SIRT1: variants seen among roughly 807,000 people sequenced by gnomAD.
SIRT1 encodes the protein NAD-dependent protein deacetylase sirtuin-1.
A neutral mutation model predicts 67.9 loss-of-function variants in SIRT1; 24 were observed. The ratio of observed to expected loss-of-function variants is 0.35; its 90% CI spans 0.26 to 0.50. SIRT1 has a LOEUF of 0.50. SIRT1 is among the 20% of genes least tolerant of loss of function. The pLI, the probability that SIRT1 is intolerant of heterozygous loss-of-function variation, is 0.98. For missense variants in SIRT1, 873 were observed against 937.2 expected (o/e 0.93, Z 0.89); for synonymous variants, 378 against 350.7 (o/e 1.08, Z -0.87).
At position 67,887,462 on chromosome 10, in the gene SIRT1, C is replaced by T. The variant is rs760482544; in HGVS notation, c.476C>T (p.Ser159Phe). The stretch of plus-strand genomic sequence containing the variant: ...GAAATTATCACTAATGGTTTTCATT[C>T]CTGTGAAAGTGATGAGGAGGATAGA... Reference protein sequence around the residue: ...GDEIITNGFHSCESDEEDRAS... With the variant: ...GDEIITNGFHFCESDEEDRAS... Residue 159 changes from serine (S) to phenylalanine (F), a missense_variant, in exon 2 of 9, where the codon TCC becomes TTC. By Grantham distance (155) the Ser-to-Phe change is radical. Around this residue, in one of 3 missense-constraint regions of SIRT1, gnomAD observed 327 missense variants for 283.9 expected, o/e 1.15. Coordinates refer to ENST00000212015, the MANE Select transcript of SIRT1 (RefSeq NM_012238.5). 4 of 1,613,772 alleles carry T rather than the reference C, an allele frequency of 2.5e-6. No homozygotes were observed. Among genetic ancestry groups the T allele is most frequent in the African/African-American group, 2.7e-5 (2 of 75,022 alleles).
chr10:67,900,008 C>A (rs1442913720), intron 4 of SIRT1, among the ~76,000 whole-genome samples: 1 of 151,982 alleles, frequency 6.6e-6, no homozygotes, highest in African/African-American at 2.4e-5. Context: ...CGCTTGAACT[C>A]GGGAGGCGGA....
intron 4 of SIRT1, among the ~76,000 whole-genome samples, chr10:67,894,343 A>G (rs959346479): frequency 6.6e-6 from 1 of 152,240 alleles, no homozygotes; most frequent in Admixed American, 6.5e-5. Context: ...AGAGCAGACA[A>G]CTGGTTCATA....
rs200960441 is a variant in SIRT1 at position 67,917,865 on chromosome 10, A to G, written c.*1272A>G. The G allele has an allele frequency of 3.7e-4, 56 of 152,606 alleles. 1 individual carries two copies. Among genetic ancestry groups the G allele is most frequent in the Non-Finnish European group, 6.6e-4 (45 of 68,038 alleles). The allele number at this position is 152,606 out of a possible 1,614,324, so 9.5% of individuals were successfully genotyped here. Reference sequence around the variant, plus strand: ...AAGCTTCTAGTCTTTCAAGAAGTTCATACTTTATGAAATTGCACAGTAAGC... The same window carrying G: ...AAGCTTCTAGTCTTTCAAGAAGTTCGTACTTTATGAAATTGCACAGTAAGC... On this transcript the variant is annotated 3_prime_UTR_variant, in exon 9 of 9. Coordinates refer to ENST00000212015, the MANE Select transcript of SIRT1 (RefSeq NM_012238.5).
intron 5 of SIRT1, among the ~76,000 whole-genome samples, chr10:67,907,230 C>G (rs997168031): frequency 1.4e-4 from 22 of 152,142 alleles, no homozygotes; most frequent in Admixed American, 1.3e-4. Context: ...TGCAGTGGCT[C>G]ACGCCTGTAA....
intron 3 of SIRT1, among the ~76,000 whole-genome samples, chr10:67,890,186 G>C (rs1220558896): frequency 6.6e-6 from 1 of 151,930 alleles, no homozygotes; most frequent in African/African-American, 2.4e-5. Flanking sequence ...CTCCTGAGTA[G>C]CTGGGATTAC....
chr10:67,897,087 C>CGGAG (rs911135827), intron 4 of SIRT1, among the ~76,000 whole-genome samples: 2 of 151,044 alleles, frequency 1.3e-5, no homozygotes, highest in African/African-American at 4.9e-5. Context: ...ACCTGGGAGG[C>CGGAG]GGAGGTTGCA....
At chr10:67,900,823 G>A (rs1165559630) in intron 4 of SIRT1, among the ~76,000 whole-genome samples, 2 of 152,022 alleles carry the variant, frequency 1.3e-5, no homozygotes, top group Non-Finnish European at 2.9e-5. Flanking sequence ...TTTGTTTTTA[G>A]CCATTTTTCT....
rs1019771749 is a variant in SIRT1, at chr10:67,888,789, C to T, written c.548-93C>T. 8 of 1,394,272 alleles carry T rather than the reference C, an allele frequency of 5.7e-6. No homozygotes were observed. The African/African-American group carries it at 1.0e-4, about 18-fold the overall frequency. 86.4% of individuals were successfully genotyped at this position (1,394,272 alleles called of 1,614,324 possible). A position where few individuals can be genotyped will look rare whatever the true frequency, so the allele number is the denominator to read the frequency against. On this transcript the variant is annotated intron_variant, in intron 2 of 8. Transcript: ENST00000212015. ...TTGCATTTTCTTACTTTGCAAAAAA[C>T]CCTCACAGAATGCTAACTCATTACT... is the stretch of plus-strand genomic sequence containing the variant.
intron 4 of SIRT1, among the ~76,000 whole-genome samples, chr10:67,899,223 AGCTGATTTG>A (rs1434547214): frequency 2.0e-5 from 3 of 151,924 alleles, no homozygotes; most frequent in East Asian, 1.9e-4. Context: ...TTTGGGATTT[AGCTGATTTG>A]GCTGATTTAT....
intron 4 of SIRT1, among the ~76,000 whole-genome samples, chr10:67,905,585 T>G (rs529862603): frequency 6.6e-6 from 1 of 152,310 alleles, no homozygotes; most frequent in Admixed American, 6.5e-5. Flanking sequence ...TTTGAAAGAT[T>G]AAATAGGTAA....
At chr10:67,915,518 C>T (rs1196201373) in intron 8 of SIRT1, among the ~76,000 whole-genome samples, 19 of 152,142 alleles carry the variant, frequency 1.2e-4, no homozygotes, top group Non-Finnish European at 1.9e-4. Flanking sequence ...TGTATATACA[C>T]ACACATTCTG....
At position 67,884,871 on chromosome 10, in the gene SIRT1, G is replaced by A; in HGVS notation, c.150G>A (p.Glu50=). Reference sequence around the variant, plus strand: ...CCGGCCTCGAGCGGAGCCCGGGCGAGCCCGGTGGGGCGGCCCCAGAGCGTG... The same window carrying A: ...CCGGCCTCGAGCGGAGCCCGGGCGAACCCGGTGGGGCGGCCCCAGAGCGTG... ...DGPGLERSPG[E]PGGAAPEREV... Residue 50 remains glutamate (E), a synonymous_variant, in exon 1 of 9, where the codon GAG becomes GAA. Coordinates refer to ENST00000212015, the MANE Select transcript of SIRT1 (RefSeq NM_012238.5). The A allele has an allele frequency of 8.2e-7, 1 of 1,216,136 alleles. No individual in the cohort carries two copies. The allele number at this position is 1,216,136 out of a possible 1,614,324, so 75.3% of individuals were successfully genotyped here.
At chr10:67,888,269 T>C (rs1389242144) in intron 2 of SIRT1, among the ~76,000 whole-genome samples, 3 of 152,198 alleles carry the variant, frequency 2.0e-5, no homozygotes, top group African/African-American at 7.2e-5. Flanking sequence ...TATTTAAACA[T>C]AGTGAAGATC....
chr10:67,903,337 A>T (rs1185812275), intron 4 of SIRT1, among the ~76,000 whole-genome samples: 1 of 151,872 alleles, frequency 6.6e-6, no homozygotes, highest in African/African-American at 2.4e-5. Flanking sequence ...AGAAATTTGG[A>T]GAAGAAAGAA....
At chr10:67,893,043 C>T (rs1406607681) in intron 4 of SIRT1, among the ~76,000 whole-genome samples, 1 of 152,218 alleles carries the variant, frequency 6.6e-6, no homozygotes, top group Non-Finnish European at 1.5e-5. Context: ...CATTAGAAAA[C>T]TGTTTTCTTT....
At chr10:67,909,973 A>G (rs1160851539) in intron 7 of SIRT1, among the ~76,000 whole-genome samples, 1 of 152,092 alleles carries the variant, frequency 6.6e-6, no homozygotes, top group East Asian at 1.9e-4. Flanking sequence ...CAGCCCCTTG[A>G]GTAGCTAGGA....
chr10:67,910,597 A>C lies in SIRT1; in HGVS notation c.1357+1155A>C, dbSNP rs527654223. Among the ~76,000 whole-genome samples, 4 of 152,270 alleles carry C rather than the reference A, an allele frequency of 2.6e-5. No homozygotes were observed. The South Asian group carries it at 8.3e-4, about 32-fold the overall frequency. Reference sequence around the variant, plus strand: ...ATTGATTTCACATTTAATAAATTCAAATGTATAGTTTGGTAGAAGTGTAAC... The same window carrying C: ...ATTGATTTCACATTTAATAAATTCACATGTATAGTTTGGTAGAAGTGTAAC... On this transcript the variant is annotated intron_variant, in intron 7 of 8. Coordinates refer to ENST00000212015, the MANE Select transcript of SIRT1 (RefSeq NM_012238.5).
chr10:67,911,798 TCCTC>T (rs1381121680), intron 7 of SIRT1, among the ~76,000 whole-genome samples: 2 of 95,676 alleles, frequency 2.1e-5, no homozygotes, highest in Non-Finnish European at 3.9e-5. Context: ...CTCCCTCCTA[TCCTC>T]CCTCCCTCCC....
chr10:67,889,901 T>A (rs1359621383), intron 3 of SIRT1, among the ~76,000 whole-genome samples: 4 of 152,238 alleles, frequency 2.6e-5, no homozygotes, highest in Non-Finnish European at 5.9e-5. Context: ...GAAATCTCTA[T>A]TTGAAATGTC....
Sources: allele counts gnomAD v4.1 joint callset (sites outside exome capture counted in the v4.1 genomes callset), GRCh38; gene constraint gnomAD v4.1.1; regional missense constraint gnomAD v4.1.1; transcripts MANE v1.5; gene names NCBI Gene and HGNC (gene_info 2026-07-23, HGNC 2026-07-21).